FAM167A: variants seen among roughly 807,000 people sequenced by gnomAD.
The protein encoded by FAM167A is family with sequence similarity 167 member A.
In FAM167A, 23 loss-of-function variants were observed where a neutral mutation model predicts 14.9. The observed-to-expected ratio is 1.55, with a 90% CI of 1.11 to 2.19. FAM167A has a LOEUF of 2.19. FAM167A is among the 30% of genes most tolerant of loss of function. The pLI is 0.00. For synonymous variants in FAM167A, 174 were observed against 117.7 expected, an observed-to-expected ratio of 1.48 and a Z score of -3.10; for missense variants, 401 against 281.5, an observed-to-expected ratio of 1.42 and a Z score of -3.04.
In FAM167A at chr8:11,444,462, G is replaced by T. The variant is rs1806656121; in HGVS notation, c.-51C>A. On this transcript the variant is annotated 5_prime_UTR_variant, in exon 2 of 3. Coordinates refer to ENST00000284486, the MANE Select transcript of FAM167A (RefSeq NM_053279.3). ...CATGCGAGGGCACGGGGGGCGCAGG[G>T]GGAGGCTTGGTGGGTGGCACAGTTG... is the stretch of plus-strand genomic sequence containing the variant. 3 of 1,508,290 alleles carry T rather than the reference G, an allele frequency of 2.0e-6. No individual in the cohort carries two copies. The highest frequency in any genetic ancestry group is 2.3e-5 in the East Asian group (1 of 43,496). The allele number at this position is 1,508,290 out of a possible 1,614,324, so 93.4% of individuals were successfully genotyped here. A position where few individuals can be genotyped will look rare whatever the true frequency, so the allele number is the denominator to read the frequency against.
In FAM167A at chr8:11,444,564, G is replaced by C; in HGVS notation, c.-153C>G. ...AGGAGCCGGCCTCAGAGGCTGGGTG[G>C]CAGGGGAGCTGAGAGGGACCGCGCA... On this transcript the variant is annotated 5_prime_UTR_variant, in exon 2 of 3. Transcript: ENST00000284486. The C allele has an allele frequency of 6.9e-7, 1 of 1,456,120 alleles. No homozygotes were observed. 90.2% of individuals were successfully genotyped at this position (1,456,120 alleles called of 1,614,324 possible).
chr8:11,443,901 A>G, intron 2 of FAM167A, 130 bp downstream of exon 2: 1 of 1,173,214 alleles, frequency 8.5e-7, no homozygotes, highest in Non-Finnish European at 1.2e-6. Flanking sequence ...ACAGATGTGC[A>G]CTTGGGGGTT....
At chr8:11,461,373 C>T (rs563449138) in intron 1 of FAM167A, among the ~76,000 whole-genome samples, 35 of 152,392 alleles carry the variant, frequency 2.3e-4, no homozygotes, top group African/African-American at 7.5e-4. Context: ...GATGCCCAGA[C>T]GGGCTAAGGC....
chr8:11,460,514 G>C (rs1807497009), intron 1 of FAM167A, among the ~76,000 whole-genome samples: 1 of 152,218 alleles, frequency 6.6e-6, no homozygotes, highest in African/African-American at 2.4e-5. Flanking sequence ...CGTTTCCCTG[G>C]GGACTGTCTC....
In FAM167A at chr8:11,449,481, C is replaced by T. The variant is rs568026435; in HGVS notation, c.-397-4673G>A. Among the ~76,000 whole-genome samples the T allele has an allele frequency of 1.7e-3, 266 of 152,268 alleles. 1 individual carries two copies. The highest frequency in any genetic ancestry group is 5.9e-3 in the African/African-American group (245 of 41,552). On this transcript the variant is annotated intron_variant, in intron 1 of 2. Transcript: ENST00000284486. ...GGGGCCCAGGCCCCGGGAGGAAGAG[C>T]CCCCCAACACTCTAAACAAACGGGC...
chr8:11,473,933 C>T lies in FAM167A; in HGVS notation c.-398+1933G>A, dbSNP rs1284871755. Among the ~76,000 whole-genome samples the T allele has an allele frequency of 2.6e-5, 4 of 152,058 alleles. No individual in the cohort carries two copies. The East Asian group carries it at 7.7e-4, about 29-fold the overall frequency. On this transcript the variant is annotated intron_variant, in intron 1 of 1. Transcript: ENST00000648766. The stretch of plus-strand genomic sequence containing the variant: ...TGTCACCCAGGCTGGAGTGCAGTGG[C>T]GCAATACCAGCTCACTGCCAATCTT...
chr8:11,454,711 C>G (rs1807159597), intron 1 of FAM167A, among the ~76,000 whole-genome samples: 1 of 152,188 alleles, frequency 6.6e-6, no homozygotes, highest in East Asian at 1.9e-4. Context: ...GGACATGGCT[C>G]CACAGTCGGC....
At chr8:11,440,910 C>G (rs1461004371) in intron 2 of FAM167A, among the ~76,000 whole-genome samples, 1 of 152,204 alleles carries the variant, frequency 6.6e-6, no homozygotes, top group Non-Finnish European at 1.5e-5. Flanking sequence ...ATGAGGGAAA[C>G]CATGGCATTA....
intron 1 of FAM167A, among the ~76,000 whole-genome samples, chr8:11,454,231 G>A (rs570032774): frequency 6.1e-4 from 93 of 152,310 alleles, no homozygotes; most frequent in South Asian, 5.6e-3. Flanking sequence ...GCTGGAGAGC[G>A]GAGGCCCACG....
chr8:11,470,393 G>T (rs2117171784), upstream of FAM167A, among the ~76,000 whole-genome samples: 1 of 152,298 alleles, frequency 6.6e-6, no homozygotes, highest in East Asian at 1.9e-4. Flanking sequence ...GGGCCAGCAT[G>T]GATGCCTCGA....
intron 1 of FAM167A, among the ~76,000 whole-genome samples, chr8:11,454,306 C>T (rs1361153716): frequency 6.6e-6 from 1 of 152,244 alleles, no homozygotes; most frequent in African/African-American, 2.4e-5. Context: ...GCCTAAAACT[C>T]CACATCAGAG....
upstream of FAM167A, among the ~76,000 whole-genome samples, chr8:11,469,233 G>A (rs1038931455): frequency 5.9e-5 from 9 of 152,180 alleles, no homozygotes; most frequent in African/African-American, 1.4e-4. Flanking sequence ...ATTAGCTGTC[G>A]TTATCTCTGG....
chr8:11,467,034 C>T (rs1303191400), upstream of FAM167A, among the ~76,000 whole-genome samples: 1 of 152,236 alleles, frequency 6.6e-6, no homozygotes, highest in African/African-American at 2.4e-5. Flanking sequence ...GGCAGTTTCC[C>T]CCAATTGTGG....
chr8:11,444,202 G>C lies in FAM167A; in HGVS notation c.210C>G (p.Ser70Arg), dbSNP rs762169479. Residue 70 changes from serine (S) to arginine (R), a missense_variant, in exon 2 of 3, where the codon AGC (serine) becomes AGG (arginine). Ser to Arg is a moderately radical substitution (Grantham distance 110). Transcript: ENST00000284486. ...FPRPAAEPQA[S>R]LEEGERGGQE... ...GCCCCCCACGCTCCCCCTCCTCCAA[G>C]CTCGCCTGTGGCTCCGCAGCCGGCC... 4.3e-6 allele frequency: 7 copies of C among 1,612,936 alleles called. No individual in the cohort carries two copies. The East Asian group carries it at 1.6e-4, about 36-fold the overall frequency.
At chr8:11,456,839 A>T (rs1398148295) in intron 1 of FAM167A, among the ~76,000 whole-genome samples, 1 of 108,730 alleles carries the variant, frequency 9.2e-6, no homozygotes. Flanking sequence ...GGGCTGGGTT[A>T]GGGAAGTGGG....
At chr8:11,437,443 TATC>T (rs1350740284) in intron 2 of FAM167A, among the ~76,000 whole-genome samples, 12 of 152,180 alleles carry the variant, frequency 7.9e-5, no homozygotes, top group African/African-American at 2.9e-4. Context: ...AGTAGGGATT[TATC>T]ATTTTACAAT....
intron 1 of FAM167A, among the ~76,000 whole-genome samples, chr8:11,461,080 C>T (rs1354859509): frequency 1.3e-5 from 2 of 152,184 alleles, no homozygotes; most frequent in Non-Finnish European, 2.9e-5. Flanking sequence ...CCCTGTTGGT[C>T]AGAAAGAGGC....
At chr8:11,459,349 C>A (rs1404591450) in intron 1 of FAM167A, among the ~76,000 whole-genome samples, 1 of 152,200 alleles carries the variant, frequency 6.6e-6, no homozygotes, top group Non-Finnish European at 1.5e-5. Flanking sequence ...TTTCAGGTGG[C>A]TCCATTTGCA....
At chr8:11,466,383 G>T (rs1807767863) in intron 1 of FAM167A, among the ~76,000 whole-genome samples, 1 of 151,462 alleles carries the variant, frequency 6.6e-6, no homozygotes, top group Admixed American at 6.6e-5. Flanking sequence ...GCTAGGAGAT[G>T]AAGTCCAGCC....
Sources: allele counts gnomAD v4.1 joint callset (sites outside exome capture counted in the v4.1 genomes callset), GRCh38; gene constraint gnomAD v4.1.1; transcripts MANE v1.5; gene names NCBI Gene and HGNC (gene_info 2026-07-23, HGNC 2026-07-21).